C12orf71: variants seen among roughly 807,000 people sequenced by gnomAD.
C12orf71 encodes the protein chromosome 12 open reading frame 71, also known as uncharacterized protein C12orf71.
C12orf71 carries 10 observed loss-of-function variants against 11.7 expected under a neutral mutation model. The observed-to-expected ratio is 0.86, with a 90% CI of 0.53 to 1.45. The LOEUF (loss-of-function observed/expected upper bound fraction) is 1.45. Ranked by LOEUF, C12orf71 falls within the 40% of genes most tolerant of loss-of-function variation. C12orf71 has a pLI of 0.00. For synonymous variants in C12orf71, 110 were observed against 123.4 expected (o/e 0.89, Z 0.72); for missense variants, 293 against 325.8 (o/e 0.90, Z 0.78).
At chr12:27,081,925 A>T in intron 1 of C12orf71, 43 bp downstream of exon 1, 6 of 1,548,902 alleles carry the variant, frequency 3.9e-6, no homozygotes, top group Non-Finnish European at 5.3e-6. Context: ...GGTGGCTTGC[A>T]CTTGGGCAGG....
At chr12:27,083,723 G>A (rs538205239), upstream of C12orf71, among the ~76,000 whole-genome samples, 35 of 152,156 alleles carry the variant, frequency 2.3e-4, no homozygotes, top group African/African-American at 5.1e-4. Flanking sequence ...TAATAAACCC[G>A]CTTTTCCATA....
Position 27,082,139 on chromosome 12 carries a change from C to T in C12orf71, c.345G>A (p.Trp115Ter). ...ANRLLNGDNL[W>*]IDKLPKERTK... ...TTCTCTCTTTTGGTAACTTGTCTAT[C>T]CACAGGTTGTCTCCATTTAGAAGCC... The change falls in exon 1 of 2, where the codon TGG becomes TGA. Residue 115 changes from tryptophan (W) to a stop codon, truncating the protein, a stop_gained. Transcript: ENST00000429849. LOFTEE classifies it high-confidence loss of function. 2 of 1,613,584 alleles carry T rather than the reference C, an allele frequency of 1.2e-6. No homozygotes were observed. The highest frequency in any genetic ancestry group is 1.7e-6 in the Non-Finnish European group (2 of 1,179,702).
At position 27,081,157 on chromosome 12, in the gene C12orf71, A is replaced by G. The variant is rs761846945; in HGVS notation, c.*17T>C. On this transcript the variant is annotated 3_prime_UTR_variant, in exon 2 of 2. Coordinates refer to ENST00000429849, the MANE Select transcript of C12orf71 (RefSeq NM_001080406.2). ...TTATGGATTATTTTAAACTTTCCAA[A>G]AAGTTTAAAAATCTGTCTATATGGG... The G allele has an allele frequency of 4.5e-6, 7 of 1,561,032 alleles. No individual in the cohort carries two copies. In the Middle Eastern group the frequency reaches 6.9e-4, roughly 153 times the overall value.
upstream of C12orf71, among the ~76,000 whole-genome samples, chr12:27,082,968 C>A (rs780707880): frequency 1.3e-5 from 2 of 150,504 alleles, no homozygotes; most frequent in Non-Finnish European, 3.0e-5. Flanking sequence ...TGAGATGGAG[C>A]CTCGCTCTGT....
intron 1 of C12orf71, 31 bp downstream of exon 1, chr12:27,081,937 C>T: frequency 1.9e-6 from 3 of 1,561,762 alleles, no homozygotes; most frequent in Non-Finnish European, 2.6e-6. Context: ...TTGGGCAGGT[C>T]TTGACAAGCA....
In C12orf71 at chr12:27,081,911, T is replaced by A. The variant is rs745348940; in HGVS notation, c.516+57A>T. On this transcript the variant is annotated intron_variant, in intron 1 of 1. Transcript: ENST00000429849. ...GTGGAGACTACATAACATCTTTATT[T>A]TCTGGTGGCTTGCACTTGGGCAGGT... 7 of 1,515,494 alleles carry A rather than the reference T, an allele frequency of 4.6e-6. No individual in the cohort carries two copies. In the African/African-American group the frequency reaches 9.7e-5, roughly 21 times the overall value. 93.9% of individuals were successfully genotyped at this position (1,515,494 alleles called of 1,614,324 possible).
At chr12:27,081,690 C>G (rs527843945) in intron 1 of C12orf71, among the ~76,000 whole-genome samples, 2 of 146,380 alleles carry the variant, frequency 1.4e-5, no homozygotes, top group Admixed American at 1.3e-4. Context: ...TCAGCATTCC[C>G]AGTCTTTTCC....
chr12:27,081,752 C>A, intron 1 of C12orf71: 1 of 718,784 alleles, frequency 1.4e-6, no homozygotes, highest in Non-Finnish European at 2.5e-6. Context: ...GGTATCACGT[C>A]AGTCCCCCTG....
At position 27,082,074 on chromosome 12, in the gene C12orf71, T is replaced by C; in HGVS notation, c.410A>G (p.Glu137Gly). 6.2e-7 allele frequency: 1 copy of C among 1,608,750 alleles called. No homozygotes were observed. Among genetic ancestry groups the C allele is most frequent in the Non-Finnish European group, 8.5e-7 (1 of 1,177,078 alleles). Residue 137 changes from glutamate to glycine, a missense_variant, in exon 1 of 2, where the codon GAG (glutamate) becomes GGG (glycine). Coordinates refer to ENST00000429849, the MANE Select transcript of C12orf71 (RefSeq NM_001080406.2). ...SVGKLNNLVQEFQIFLENLKD... is the reference protein window; with the variant it reads ...SVGKLNNLVQGFQIFLENLKD... ...CAGATTTTCTAGAAATATCTGAAACTCTTGCACAAGATTATTCAGTTTGCC... is the reference window on the plus strand; with the variant it reads ...CAGATTTTCTAGAAATATCTGAAACCCTTGCACAAGATTATTCAGTTTGCC...
chr12:27,081,329 A>G lies in C12orf71; in HGVS notation c.655T>C (p.Trp219Arg), dbSNP rs758859277. The change falls in exon 2 of 2, where the codon TGG becomes CGG. Residue 219 changes from tryptophan to arginine, a missense_variant. By Grantham distance (101) the Trp-to-Arg change is moderately radical. Transcript: ENST00000429849. ...CCLNFGWAFS[W>R]LRQRILPSLL... Reference sequence around the variant, plus strand: ...GAGGGGAGGATACGCTGCCTCAGCCAGCTGAAGGCCCACCCAAAGTTCAGG... The same window carrying G: ...GAGGGGAGGATACGCTGCCTCAGCCGGCTGAAGGCCCACCCAAAGTTCAGG... The G allele has an allele frequency of 3.7e-6, 6 of 1,614,032 alleles. 1 individual carries two copies. The South Asian group carries it at 6.6e-5, about 18-fold the overall frequency.
rs753780825 is a variant in C12orf71, at chr12:27,082,233, C to T, written c.251G>A (p.Cys84Tyr). ...DQIQDEPEQF[C>Y]KLSIFLAWDV... ...CCAGGCCAGGAAGATGCTTAGTTTG[C>T]AAAACTGCTCTGGTTCATCCTGAAT... Residue 84 changes from cysteine (C) to tyrosine (Y), a missense_variant, in exon 1 of 2, where the codon TGC becomes TAC. By Grantham distance (194) the Cys-to-Tyr change is radical. Coordinates refer to ENST00000429849, the MANE Select transcript of C12orf71 (RefSeq NM_001080406.2). The T allele has an allele frequency of 6.2e-7, 1 of 1,613,496 alleles. No homozygotes were observed. Among genetic ancestry groups the T allele is most frequent in the Non-Finnish European group, 8.5e-7 (1 of 1,179,666 alleles).
chr12:27,083,376 A>C (rs1941953100), upstream of C12orf71, among the ~76,000 whole-genome samples: 1 of 152,224 alleles, frequency 6.6e-6, no homozygotes, highest in African/African-American at 2.4e-5. Context: ...TGGTTGTAAG[A>C]TCTTGTATCA....
At position 27,082,189 on chromosome 12, in the gene C12orf71, C is replaced by A; in HGVS notation, c.295G>T (p.Asp99Tyr). ...FLAWDVDIGSDNTDSRANRLL... is the reference protein window; with the variant it reads ...FLAWDVDIGSYNTDSRANRLL... ...CTATTAGCTCTTGAGTCTGTGTTAT[C>A]GGAGCCAATGTCCACGTCCCAGGCC... The change falls in exon 1 of 2, where the codon GAT becomes TAT. Residue 99 changes from aspartate to tyrosine, a missense_variant. Asp to Tyr is a radical substitution (Grantham distance 160). Coordinates refer to ENST00000429849, the MANE Select transcript of C12orf71 (RefSeq NM_001080406.2). 1 of 1,613,948 alleles carries A rather than the reference C, an allele frequency of 6.2e-7. No individual in the cohort carries two copies. The highest frequency in any genetic ancestry group is 8.5e-7 in the Non-Finnish European group (1 of 1,179,878).
upstream of C12orf71, among the ~76,000 whole-genome samples, chr12:27,083,350 A>G (rs184008874): frequency 8.6e-4 from 131 of 152,326 alleles, no homozygotes; most frequent in African/African-American, 2.8e-3. Flanking sequence ...TCCACTTCTC[A>G]TCATTTGTCC....
chr12:27,081,673 G>A (rs567054941), intron 1 of C12orf71, among the ~76,000 whole-genome samples: 7 of 151,996 alleles, frequency 4.6e-5, no homozygotes, highest in Non-Finnish European at 8.8e-5. Context: ...CTACCCTCTT[G>A]TTTCCCTCAG....
At chr12:27,081,769 GCCT>G in intron 1 of C12orf71, 196 bp downstream of exon 1, 1 of 731,014 alleles carries the variant, frequency 1.4e-6, no homozygotes, top group Non-Finnish European at 2.4e-6. Flanking sequence ...CCTGGGACCT[GCCT>G]CCTCCTAGTG....
Position 27,082,037 on chromosome 12 carries a change from G to A in C12orf71, c.447C>T (p.Asp149=), listed in dbSNP as rs768389453. The A allele has an allele frequency of 1.1e-4, 173 of 1,596,624 alleles. No homozygotes were observed. The highest frequency in any genetic ancestry group is 9.4e-4 in the East Asian group (42 of 44,498). The change falls in exon 1 of 2, where the codon GAC becomes GAT. Residue 149 remains aspartate, a synonymous_variant. Coordinates refer to ENST00000429849, the MANE Select transcript of C12orf71 (RefSeq NM_001080406.2). Reference sequence around the variant, plus strand: ...GCTGAGCAGTTTCAGGAAATACAGCGTCATCATCTTTCAGATTTTCTAGAA... The same window carrying A: ...GCTGAGCAGTTTCAGGAAATACAGCATCATCATCTTTCAGATTTTCTAGAA... ...QIFLENLKDD[D]AVFPETAQQD...
upstream of C12orf71, among the ~76,000 whole-genome samples, chr12:27,083,702 A>C (rs1420344738): frequency 6.6e-6 from 1 of 152,244 alleles, no homozygotes; most frequent in Non-Finnish European, 1.5e-5. Flanking sequence ...TATTAATGCT[A>C]AATAAATCTG....
chr12:27,082,361 C>A lies in C12orf71; in HGVS notation c.123G>T (p.Trp41Cys). 1.3e-6 allele frequency: 2 copies of A among 1,596,000 alleles called. No homozygotes were observed. The highest frequency in any genetic ancestry group is 1.7e-4 in the Middle Eastern group (1 of 5,960). ...EDTPCEDTTS[W>C]EDAPSKGPSI... ...AAGGACCCTTGGAAGGTGCATCTTC[C>A]CAGGAGGTTGTGTCCTCACAGGGGG... The change falls in exon 1 of 2, where the codon TGG (tryptophan) becomes TGT (cysteine). Residue 41 changes from tryptophan to cysteine, a missense_variant. Coordinates refer to ENST00000429849, the MANE Select transcript of C12orf71 (RefSeq NM_001080406.2).
Sources: gnomAD v4.1 joint callset for allele counts (sites outside exome capture counted in the v4.1 genomes callset) on GRCh38, gnomAD v4.1.1 for gene constraint, MANE v1.5 for transcripts, NCBI Gene and HGNC (gene_info 2026-07-23, HGNC 2026-07-21) for gene names.